DAB1: variants seen among roughly 807,000 people sequenced by gnomAD.
DAB1 encodes disabled homolog 1.
A neutral mutation model predicts 64.6 loss-of-function variants in DAB1; 15 were observed. The ratio of observed to expected loss-of-function variants is 0.23; its 90% CI spans 0.16 to 0.36. The LOEUF (loss-of-function observed/expected upper bound fraction) is 0.36, where lower values mean the gene tolerates loss of function less well. DAB1 is among the 10% of genes least tolerant of loss of function. DAB1 has a pLI of 1.00. For synonymous variants in DAB1, 235 were observed against 251.9 expected (o/e 0.93, Z 0.64); for missense variants, 596 against 706.7 (o/e 0.84, Z 1.78).
chr1:57,899,638 T>G (rs1644443719), intron 5 of DAB1, among the ~76,000 whole-genome samples: 1 of 151,760 alleles, frequency 6.6e-6, no homozygotes, highest in African/African-American at 2.4e-5. Flanking sequence ...AAAGTCAGAC[T>G]CCATCAAACA....
At chr1:57,698,558 G>C (rs780293160) in intron 6 of DAB1, among the ~76,000 whole-genome samples, 2 of 152,152 alleles carry the variant, frequency 1.3e-5, no homozygotes, top group Non-Finnish European at 2.9e-5. Flanking sequence ...TCGTCTGGAG[G>C]TTCCTAATGT....
chr1:57,263,496 G>T (rs2100564667), intron 2 of DAB1, among the ~76,000 whole-genome samples: 1 of 152,236 alleles, frequency 6.6e-6, no homozygotes, highest in Admixed American at 6.5e-5. Flanking sequence ...TGAAATACCT[G>T]GACCTAGTAA....
At chr1:57,436,745 T>C (rs1403828622) in intron 7 of DAB1, among the ~76,000 whole-genome samples, 1 of 152,034 alleles carries the variant, frequency 6.6e-6, no homozygotes, top group Non-Finnish European at 1.5e-5. Flanking sequence ...TTTCCTGGCA[T>C]AGGCTGGGTG....
At chr1:57,268,242 C>T (rs1670734425) in intron 2 of DAB1, among the ~76,000 whole-genome samples, 1 of 152,182 alleles carries the variant, frequency 6.6e-6, no homozygotes, top group Non-Finnish European at 1.5e-5. Flanking sequence ...TCAGCTTTGA[C>T]AATCACTCTG....
At chr1:57,638,788 C>T (rs190053345) in intron 7 of DAB1, among the ~76,000 whole-genome samples, 2 of 151,574 alleles carry the variant, frequency 1.3e-5, no homozygotes, top group African/African-American at 4.9e-5. Flanking sequence ...AGAGTTGGAT[C>T]TTTTCTTGTA....
intron 9 of DAB1, among the ~76,000 whole-genome samples, chr1:57,054,182 A>T (rs568811790): frequency 6.6e-6 from 1 of 152,292 alleles, no homozygotes; most frequent in East Asian, 1.9e-4. Context: ...GGGAAAAGAA[A>T]AGTGCTAAGT....
intron 6 of DAB1, among the ~76,000 whole-genome samples, chr1:57,757,202 T>TG (rs1557463338): frequency 1.2e-5 from 1 of 86,278 alleles, no homozygotes; most frequent in African/African-American, 9.3e-5. Flanking sequence ...GGCAGAATTT[T>TG]TTTTTTTTTT....
intron 4 of DAB1, among the ~76,000 whole-genome samples, chr1:57,120,333 A>C (rs979365479): frequency 1.3e-5 from 2 of 152,106 alleles, no homozygotes; most frequent in African/African-American, 4.8e-5. Context: ...TCTATCTACA[A>C]GGTAAGGGTT....
intron 2 of DAB1, among the ~76,000 whole-genome samples, chr1:57,251,663 A>G (rs1296025902): frequency 2.0e-5 from 3 of 152,174 alleles, no homozygotes; most frequent in Non-Finnish European, 4.4e-5. Flanking sequence ...CTCAGTTTCA[A>G]CAGAAAGCAA....
intron 6 of DAB1, among the ~76,000 whole-genome samples, chr1:57,663,632 A>T (rs1249441344): frequency 1.3e-5 from 2 of 148,304 alleles, no homozygotes; most frequent in South Asian, 4.2e-4. Context: ...ATATTTTCTT[A>T]TTTTTTTTTT....
chr1:58,148,999 T>C (rs142112139), intron 5 of DAB1, among the ~76,000 whole-genome samples: 6 of 152,312 alleles, frequency 3.9e-5, no homozygotes, highest in African/African-American at 1.2e-4. Context: ...ATTCATGTGA[T>C]TCTTCTTGCT....
chr1:58,175,987 C>A (rs141801665), intron 4 of DAB1, among the ~76,000 whole-genome samples: 1 of 152,330 alleles, frequency 6.6e-6, no homozygotes, highest in East Asian at 1.9e-4. Flanking sequence ...GATGGAAGAT[C>A]TAATAGCACT....
chr1:57,143,906 G>A lies in DAB1; in HGVS notation c.207+1384C>T, dbSNP rs575491958. Reference sequence around the variant, plus strand: ...ATGTCTTCATGGGCTATTTGAAGATGTTTATGTATATGTATATGTATATAT... The same window carrying A: ...ATGTCTTCATGGGCTATTTGAAGATATTTATGTATATGTATATGTATATAT... On this transcript the variant is annotated intron_variant, in intron 3 of 14. Transcript: ENST00000371236. 6.0e-5 allele frequency among the ~76,000 whole-genome samples: 9 copies of A among 151,064 alleles called. 1 individual carries two copies. The South Asian group carries it at 1.5e-3, about 25-fold the overall frequency.
At chr1:58,191,322 A>C (rs1357127971) in intron 4 of DAB1, among the ~76,000 whole-genome samples, 1 of 152,212 alleles carries the variant, frequency 6.6e-6, no homozygotes, top group Non-Finnish European at 1.5e-5. Flanking sequence ...GGAGGTTTAG[A>C]AAAATTAGGT....
intron 2 of DAB1, among the ~76,000 whole-genome samples, chr1:57,243,387 G>A (rs1668634747): frequency 6.6e-6 from 1 of 152,122 alleles, no homozygotes; most frequent in South Asian, 2.1e-4. Flanking sequence ...ATGGGACTGT[G>A]GCTTTTCCCA....
In DAB1 at chr1:57,071,532, G is replaced by A; in HGVS notation, c.548C>T (p.Ala183Val). The change falls in exon 6 of 15, where the codon GCT becomes GTT. Residue 183 changes from alanine to valine, a missense_variant. Physicochemically the swap from Ala to Val is moderately conservative, Grantham distance 64. Coordinates refer to ENST00000371236, the MANE Select transcript of DAB1 (RefSeq NM_001365792.1). Reference protein sequence around the residue: ...KAQKDKQCEQAVYQTILEEDV... With the variant: ...KAQKDKQCEQVVYQTILEEDV... Reference sequence around the variant, plus strand: ...AATTCACAGGTATACCTGGTACACAGCTTGTTCACACTGCTTATCCTTTTG... The same window carrying A: ...AATTCACAGGTATACCTGGTACACAACTTGTTCACACTGCTTATCCTTTTG... The A allele has an allele frequency of 6.2e-7, 1 of 1,613,422 alleles. No homozygotes were observed. Among genetic ancestry groups the A allele is most frequent in the Non-Finnish European group, 8.5e-7 (1 of 1,179,796 alleles).
intron 1 of DAB1, among the ~76,000 whole-genome samples, chr1:57,388,045 G>A (rs1682032621): frequency 6.6e-6 from 1 of 152,118 alleles, no homozygotes; most frequent in Admixed American, 6.5e-5. Context: ...CAGGCACTTT[G>A]GTGAACTGCT....
chr1:57,962,512 A>G (rs563784714), intron 5 of DAB1, among the ~76,000 whole-genome samples: 7 of 152,112 alleles, frequency 4.6e-5, no homozygotes, highest in Admixed American at 3.3e-4. Flanking sequence ...CAGCCACACT[A>G]GTGCCTAGCT....
At chr1:57,883,417 T>C (rs1052118667) in intron 1 of DAB1, among the ~76,000 whole-genome samples, 1 of 152,198 alleles carries the variant, frequency 6.6e-6, no homozygotes, top group Admixed American at 6.5e-5. Flanking sequence ...GACTGCATTG[T>C]ATTCTTAAAT....
Sources: allele counts gnomAD v4.1 joint callset (sites outside exome capture counted in the v4.1 genomes callset), GRCh38; gene constraint gnomAD v4.1.1; transcripts MANE v1.5; gene names NCBI Gene and HGNC (gene_info 2026-07-23, HGNC 2026-07-21).